The following TAF1A variants were observed in gnomAD, a reference collection of about 807,000 sequenced individuals.
The protein encoded by TAF1A is TATA-box binding protein associated factor, RNA polymerase I subunit A.
Under a neutral mutation model 61.6 loss-of-function variants are expected in TAF1A, and 42 were observed. That is an observed-to-expected ratio of 0.68 (90% CI 0.53 to 0.88). TAF1A has a LOEUF of 0.88. Ranked by LOEUF, TAF1A falls within the 40% of genes least tolerant of loss-of-function variation. TAF1A has a pLI of 0.00. For synonymous variants in TAF1A, 179 were observed against 177.7 expected (o/e 1.01, Z -0.06); for missense variants, 424 against 518.7 (o/e 0.82, Z 1.77).
chr1:222,571,244 A>C (rs1008274734), intron 5 of TAF1A, among the ~76,000 whole-genome samples: 4 of 152,186 alleles, frequency 2.6e-5, no homozygotes, highest in African/African-American at 9.6e-5. Context: ...CAATCTGATA[A>C]AGGGCATCTA....
chr1:222,557,814 G>GTC (rs1000917994), downstream of TAF1A: 21 of 151,726 alleles, frequency 1.4e-4, no homozygotes, highest in African/African-American at 5.1e-4. Flanking sequence ...AGAGTCAAAG[G>GTC]TCTCTCTCTA....
At chr1:222,565,726 G>C (rs1163744169) in intron 7 of TAF1A, among the ~76,000 whole-genome samples, 1 of 152,184 alleles carries the variant, frequency 6.6e-6, no homozygotes, top group Non-Finnish European at 1.5e-5. Flanking sequence ...GCCAGCCATG[G>C]TGGCGTGTGC....
rs751467054 is a variant in TAF1A at position 222,579,858 on chromosome 1, G to T, written c.306C>A (p.Leu102=). Reference sequence around the variant, plus strand: ...GATGATAAAATAGAATTTCACTTCCGAGCTTCCAAATAATCTGTCAAAGCA... The same window carrying T: ...GATGATAAAATAGAATTTCACTTCCTAGCTTCCAAATAATCTGTCAAAGCA... ...RQAAPEIIWK[L]GSEILFYHPK... The change falls in exon 4 of 11, where the codon CTC becomes CTA. Residue 102 remains leucine (L), a synonymous_variant. Transcript: ENST00000352967. 6.9e-6 allele frequency: 11 copies of T among 1,604,104 alleles called. No homozygotes were observed. The highest frequency in any genetic ancestry group is 1.3e-5 in the African/African-American group (1 of 74,382).
chr1:222,556,484 C>G (rs1002931029), downstream of TAF1A, among the ~76,000 whole-genome samples: 5 of 152,188 alleles, frequency 3.3e-5, no homozygotes. Flanking sequence ...GAGCTGTGAC[C>G]TTGGCAAGTT....
chr1:222,561,476 T>C lies in TAF1A; in HGVS notation c.1128A>G (p.Lys376=). 1.2e-6 allele frequency: 2 copies of C among 1,612,540 alleles called. No individual in the cohort carries two copies. The highest frequency in any genetic ancestry group is 2.2e-5 in the South Asian group (2 of 90,694). ...TGAAATGAAAGCCTGGCCACCAGTTTTTCCTGGAGTTCCACTCTTCTTGAA... is the reference window on the plus strand; with the variant it reads ...TGAAATGAAAGCCTGGCCACCAGTTCTTCCTGGAGTTCCACTCTTCTTGAA... The part of the protein sequence containing the change: ...AWVQEEWNSR[K]NWWPGFHFSY... Residue 376 remains lysine (K), a synonymous_variant, in exon 10 of 11, where the codon AAA becomes AAG. Transcript: ENST00000352967.
intron 2 of TAF1A, among the ~76,000 whole-genome samples, chr1:222,585,516 C>T (rs548465061): frequency 2.0e-5 from 3 of 151,242 alleles, no homozygotes; most frequent in African/African-American, 7.3e-5. Flanking sequence ...AGCACAATCA[C>T]AGCTCACCAT....
chr1:222,586,929 G>T (rs1037600843), intron 2 of TAF1A, among the ~76,000 whole-genome samples: 1 of 152,150 alleles, frequency 6.6e-6, no homozygotes, highest in Non-Finnish European at 1.5e-5. Flanking sequence ...GGTTTAACAG[G>T]CTATCCATGA....
At chr1:222,575,164 C>G (rs1660516550) in intron 5 of TAF1A, among the ~76,000 whole-genome samples, 1 of 151,706 alleles carries the variant, frequency 6.6e-6, no homozygotes, top group South Asian at 2.1e-4. Flanking sequence ...AAATACATAT[C>G]AATATGAACT....
At chr1:222,577,718 A>G (rs1433450139) in intron 4 of TAF1A, 75 bp from the exon 5 acceptor site, 2 of 1,342,222 alleles carry the variant, frequency 1.5e-6, no homozygotes, top group Non-Finnish European at 2.1e-6. Context: ...GTAAATATAT[A>G]ATACATGCTG....
chr1:222,560,885 A>G (rs889376951), intron 10 of TAF1A, among the ~76,000 whole-genome samples: 15 of 152,226 alleles, frequency 9.9e-5, no homozygotes, highest in Non-Finnish European at 2.9e-5. Flanking sequence ...GAAAAAATCA[A>G]TATCCCTTTT....
Position 222,570,604 on chromosome 1 carries a change from T to G in TAF1A, c.666A>C (p.Thr222=). 5 of 1,613,270 alleles carry G rather than the reference T, an allele frequency of 3.1e-6. No individual in the cohort carries two copies. The highest frequency in any genetic ancestry group is 4.2e-6 in the Non-Finnish European group (5 of 1,179,400). The change falls in exon 6 of 11, where the codon ACA becomes ACC. Residue 222 remains threonine (T), a synonymous_variant. Coordinates refer to ENST00000352967, the MANE Select transcript of TAF1A (RefSeq NM_005681.4). ...AQDVFNHSWK[T]SANISALIKI... ...TAATCAATGCAGAAATATTTGCAGA[T>G]GTCTTCCAGCTGTGGTTGAACACAT...
At chr1:222,567,732 T>C (rs564493237) in intron 7 of TAF1A, among the ~76,000 whole-genome samples, 1 of 152,318 alleles carries the variant, frequency 6.6e-6, no homozygotes, top group South Asian at 2.1e-4. Flanking sequence ...TTATACAATA[T>C]ACATGGAAAG....
intron 2 of TAF1A, 44 bp from the exon 3 acceptor site, chr1:222,584,341 A>AT: frequency 6.5e-7 from 1 of 1,531,480 alleles, no homozygotes; most frequent in African/African-American, 1.4e-5. Flanking sequence ...AAGTGGCTCC[A>AT]GTTCAACTAT....
At chr1:222,565,214 T>C (rs556074245) in intron 7 of TAF1A, among the ~76,000 whole-genome samples, 1 of 152,336 alleles carries the variant, frequency 6.6e-6, no homozygotes, top group East Asian at 1.9e-4. Flanking sequence ...TATTCAGAGG[T>C]CCTCCACCTA....
intron 7 of TAF1A, among the ~76,000 whole-genome samples, chr1:222,566,498 T>C (rs768609062): frequency 3.3e-5 from 5 of 152,196 alleles, no homozygotes; most frequent in Non-Finnish European, 7.3e-5. Flanking sequence ...GTGAGAGCCC[T>C]TGTTTTCCTG....
intron 3 of TAF1A, 81 bp downstream of exon 3, chr1:222,584,047 T>C (rs1403437633): frequency 2.0e-6 from 3 of 1,493,524 alleles, no homozygotes; most frequent in Non-Finnish European, 1.8e-6. Context: ...TGAGATTCTG[T>C]AAAAGCTACT....
chr1:222,560,946 AGTGGAGGAAAT>A (rs548871064), intron 10 of TAF1A, among the ~76,000 whole-genome samples: 92 of 152,290 alleles, frequency 6.0e-4, no homozygotes, highest in African/African-American at 2.2e-3. Flanking sequence ...CTTTCTCTTA[AGTGGAGGAAAT>A]GTTTCACGCT....
chr1:222,554,151 T>C (rs1571785515), downstream of TAF1A, among the ~76,000 whole-genome samples: 1 of 152,268 alleles, frequency 6.6e-6, no homozygotes, highest in Admixed American at 6.5e-5. Flanking sequence ...ATTTGTCTGA[T>C]GCAGCCTACT....
At chr1:222,583,436 A>AG (rs1660877463) in intron 3 of TAF1A, among the ~76,000 whole-genome samples, 1 of 151,410 alleles carries the variant, frequency 6.6e-6, no homozygotes, top group South Asian at 2.1e-4. Flanking sequence ...GAAAAAAAAA[A>AG]GGATCACTCT....
Sources: gnomAD v4.1 joint callset for allele counts (sites outside exome capture counted in the v4.1 genomes callset) on GRCh38, gnomAD v4.1.1 for gene constraint, MANE v1.5 for transcripts, NCBI Gene and HGNC (gene_info 2026-07-23, HGNC 2026-07-21) for gene names.